Variants in ZDHHC3 observed in about 807,000 individuals in gnomAD.
ZDHHC3 encodes palmitoyltransferase ZDHHC3.
ZDHHC3 carries 9 observed loss-of-function variants against 30.6 expected under a neutral mutation model. The observed-to-expected ratio is 0.29, with a 90% CI of 0.18 to 0.51. The LOEUF is 0.51. Ranked by LOEUF, ZDHHC3 falls within the 20% of genes least tolerant of loss-of-function variation. The pLI is 0.97. For synonymous variants in ZDHHC3, 136 were observed against 140.2 expected (o/e 0.97, Z 0.21); for missense variants, 246 against 384.2 (o/e 0.64, Z 3.01).
intron 3 of ZDHHC3, among the ~76,000 whole-genome samples, chr3:44,941,040 G>C (rs1287439829): frequency 1.3e-5 from 2 of 152,176 alleles, no homozygotes; most frequent in Admixed American, 6.5e-5. Flanking sequence ...TCAGAGTCGA[G>C]CTCAGAGCCA....
chr3:44,931,475 A>G (rs139298066), intron 5 of ZDHHC3, among the ~76,000 whole-genome samples: 112 of 152,254 alleles, frequency 7.4e-4, no homozygotes, highest in African/African-American at 2.5e-3. Context: ...TTTAAATATC[A>G]ACTCAAAGTG....
In ZDHHC3 at chr3:44,976,137, C is replaced by T. The variant is rs1705976984; in HGVS notation, c.-229G>A. On this transcript the variant is annotated 5_prime_UTR_variant, in exon 1 of 7. Transcript: ENST00000424952. ...GCCCATCGAGCTCTCCCGGCAGTGG[C>T]GGCGGCCGCGGCTGCAGGAGCGGCC... 5.0e-6 allele frequency: 3 copies of T among 600,638 alleles called. No homozygotes were observed. The highest frequency in any genetic ancestry group is 4.6e-5 in the Admixed American group (1 of 21,918). The allele number at this position is 600,638 out of a possible 1,614,324, so 37.2% of individuals were successfully genotyped here. A position where few individuals can be genotyped will look rare whatever the true frequency, so the allele number is the denominator to read the frequency against.
intron 2 of ZDHHC3, among the ~76,000 whole-genome samples, chr3:44,955,908 C>T (rs983520457): frequency 2.6e-5 from 4 of 152,184 alleles, no homozygotes; most frequent in African/African-American, 9.7e-5. Flanking sequence ...CAGTTGCTTC[C>T]CTTACTAATG....
chr3:44,933,948 G>C lies in ZDHHC3; in HGVS notation c.468C>G (p.His156Gln), dbSNP rs1323349861. 6.2e-7 allele frequency: 1 copy of C among 1,614,128 alleles called. No homozygotes were observed. Among genetic ancestry groups the C allele is most frequent in the Non-Finnish European group, 8.5e-7 (1 of 1,180,058 alleles). The change falls in exon 4 of 7, where the codon CAC becomes CAG. Residue 156 changes from histidine to glutamine, a missense_variant. His to Gln is a conservative substitution (Grantham distance 24). Transcript: ENST00000424952. Reference sequence around the variant, plus strand: ...CTACACAGTTGTTGACCCAGGGACAGTGGTGGTCCATCTTCCGAATGCACC... The same window carrying C: ...CTACACAGTTGTTGACCCAGGGACACTGGTGGTCCATCTTCCGAATGCACC... ...CKRCIRKMDHHCPWVNNCVGE... is the reference protein window; with the variant it reads ...CKRCIRKMDHQCPWVNNCVGE...
Position 44,921,287 on chromosome 3 carries a change from G to A in ZDHHC3, c.*5402C>T. ...GAGCCCCACAGAACGAGAACAGGCT[G>A]TTCCCTGCTCCCTGTATCATCAGAT... is the stretch of plus-strand genomic sequence containing the variant. On this transcript the variant is annotated 3_prime_UTR_variant, in exon 7 of 7. Coordinates refer to ENST00000424952, the MANE Select transcript of ZDHHC3 (RefSeq NM_001135179.2). 1 of 985,398 alleles carries A rather than the reference G, an allele frequency of 1.0e-6. No homozygotes were observed. Among genetic ancestry groups the A allele is most frequent in the African/African-American group, 1.7e-5 (1 of 57,336 alleles). 61.0% of individuals were successfully genotyped at this position (985,398 alleles called of 1,614,324 possible). A position where few individuals can be genotyped will look rare whatever the true frequency, so the allele number is the denominator to read the frequency against.
intron 6 of ZDHHC3, 117 bp downstream of exon 6, chr3:44,929,189 C>T (rs1701269396): frequency 7.4e-6 from 10 of 1,350,582 alleles, no homozygotes; most frequent in Non-Finnish European, 1.0e-5. Context: ...GTGCCCTGCA[C>T]ACCAGGGGCC....
intron 6 of ZDHHC3, among the ~76,000 whole-genome samples, chr3:44,928,130 G>T (rs1701163769): frequency 6.6e-6 from 1 of 152,208 alleles, no homozygotes; most frequent in African/African-American, 2.4e-5. Context: ...TAGAGAAGTT[G>T]GTCACGGTTA....
At chr3:44,964,428 G>A (rs372666761) in intron 1 of ZDHHC3, among the ~76,000 whole-genome samples, 8 of 152,326 alleles carry the variant, frequency 5.3e-5, no homozygotes, top group African/African-American at 1.7e-4. Flanking sequence ...GATGACCAGG[G>A]CTGTGTGCGT....
At chr3:44,941,374 C>G (rs764818536) in intron 3 of ZDHHC3, among the ~76,000 whole-genome samples, 10 of 152,166 alleles carry the variant, frequency 6.6e-5, no homozygotes, top group Admixed American at 2.0e-4. Context: ...TCATTTTGGG[C>G]TCTGGTCAGA....
In ZDHHC3 at chr3:44,922,773, ATG is replaced by A; in HGVS notation, c.*3914_*3915del. ...CGGTAGCCTGGGGTGGGGACCGAGA[ATG>A]TGCATTTCTAACAAGTTCTCAGGTG... On this transcript the variant is annotated 3_prime_UTR_variant, in exon 7 of 7. Transcript: ENST00000424952. 1.0e-6 allele frequency: 1 copy of A among 984,926 alleles called. No homozygotes were observed. The highest frequency in any genetic ancestry group is 1.2e-6 in the Non-Finnish European group (1 of 829,498). The allele number at this position is 984,926 out of a possible 1,614,324, so 61.0% of individuals were successfully genotyped here.
Position 44,933,002 on chromosome 3 carries a change from T to C in ZDHHC3, c.610+116A>G, listed in dbSNP as rs1701634058. 4 of 1,614,056 alleles carry C rather than the reference T, an allele frequency of 2.5e-6. No homozygotes were observed. In the East Asian group the frequency reaches 8.9e-5, roughly 36 times the overall value. On this transcript the variant is annotated intron_variant, in intron 5 of 6. Transcript: ENST00000424952. ...GTTCAGTCCATAGGCTTTCAGGAGA[T>C]TTAATAAAATGAGGTTGGCCCCTGG...
chr3:44,973,106 T>C lies in ZDHHC3; in HGVS notation c.-25+2827A>G, dbSNP rs1485780694. 5.3e-5 allele frequency among the ~76,000 whole-genome samples: 8 copies of C among 152,372 alleles called. No individual in the cohort carries two copies. The East Asian group carries it at 1.3e-3, about 26-fold the overall frequency. ...ATTCCATGTTCCTCTAGAAAAATGA[T>C]TCAAGGGATATGAGTTTATGCTTGA... On this transcript the variant is annotated intron_variant, in intron 1 of 6. Transcript: ENST00000424952.
rs1028266198 is a variant in ZDHHC3, at chr3:44,926,103, C to T, written c.*586G>A. 3.0e-6 allele frequency: 3 copies of T among 985,798 alleles called. No homozygotes were observed. The highest frequency in any genetic ancestry group is 6.1e-5 in the Admixed American group (1 of 16,270). The allele number at this position is 985,798 out of a possible 1,614,324, so 61.1% of individuals were successfully genotyped here. On this transcript the variant is annotated 3_prime_UTR_variant, in exon 7 of 7. Transcript: ENST00000424952. ...CACCCCAAGCCCATAAAGTACAAGG[C>T]AGGCAATTGCTTTGCGAGTTAGCAG...
chr3:44,960,560 A>G (rs1205738598), intron 1 of ZDHHC3, among the ~76,000 whole-genome samples: 1 of 152,252 alleles, frequency 6.6e-6, no homozygotes, highest in Non-Finnish European at 1.5e-5. Context: ...CACAGAAAGC[A>G]TAGATTTCCC....
At position 44,924,816 on chromosome 3, in the gene ZDHHC3, C is replaced by T. The variant is rs1402150965; in HGVS notation, c.*1873G>A. 1.0e-6 allele frequency: 1 copy of T among 985,400 alleles called. No homozygotes were observed. The highest frequency in any genetic ancestry group is 1.2e-6 in the Non-Finnish European group (1 of 829,942). 61.0% of individuals were successfully genotyped at this position (985,400 alleles called of 1,614,324 possible). ...GCATATGGAAAACAAATGCTATCAA[C>T]TTGATCTAAAACAGCATTCTTTTCT... On this transcript the variant is annotated 3_prime_UTR_variant, in exon 7 of 7. Coordinates refer to ENST00000424952, the MANE Select transcript of ZDHHC3 (RefSeq NM_001135179.2).
chr3:44,953,390 G>A lies in ZDHHC3; in HGVS notation c.306+5741C>T, dbSNP rs1703644407. Among the ~76,000 whole-genome samples, 4 of 152,180 alleles carry A rather than the reference G, an allele frequency of 2.6e-5. No individual in the cohort carries two copies. In the South Asian group the frequency reaches 6.2e-4, roughly 24 times the overall value. On this transcript the variant is annotated intron_variant, in intron 2 of 6. Coordinates refer to ENST00000424952, the MANE Select transcript of ZDHHC3 (RefSeq NM_001135179.2). ...CACACTAGTATTAAGATTGAAACAG[G>A]CCTAGGATACTAAGGCTGTTTCAAT...
chr3:44,941,931 G>A (rs1702476204), intron 3 of ZDHHC3, among the ~76,000 whole-genome samples: 1 of 152,178 alleles, frequency 6.6e-6, no homozygotes, highest in South Asian at 2.1e-4. Context: ...AGCATAAATG[G>A]CTCCTCCCAC....
chr3:44,964,037 C>T (rs60122785), intron 1 of ZDHHC3, among the ~76,000 whole-genome samples: 12,297 of 152,170 alleles, frequency 0.081, 666 homozygotes, highest in African/African-American at 0.14. Flanking sequence ...GTCTTATTTG[C>T]TTTTTTTCCA....
At chr3:44,970,306 A>G (rs867107838) in intron 1 of ZDHHC3, among the ~76,000 whole-genome samples, 9 of 152,196 alleles carry the variant, frequency 5.9e-5, no homozygotes, top group Non-Finnish European at 1.0e-4. Flanking sequence ...TTACCTGGTG[A>G]GGGGCTCTCC....
Sources: allele counts gnomAD v4.1 joint callset (sites outside exome capture counted in the v4.1 genomes callset), GRCh38; gene constraint gnomAD v4.1.1; transcripts MANE v1.5; gene names NCBI Gene and HGNC (gene_info 2026-07-23, HGNC 2026-07-21).